The following ACSL5 variants were observed in gnomAD, a reference collection of about 807,000 sequenced individuals.
The protein encoded by ACSL5 is acyl-CoA synthetase long chain family member 5.
In ACSL5, 50 loss-of-function variants were observed where a neutral mutation model predicts 84.9. The ratio of observed to expected loss-of-function variants is 0.59; its 90% CI spans 0.47 to 0.75. The LOEUF (loss-of-function observed/expected upper bound fraction) is 0.75, where lower values mean the gene tolerates loss of function less well. Among genes scored for constraint, ACSL5 ranks in the 30% least tolerant of loss-of-function variants. The pLI is 0.00. For missense variants in ACSL5, 775 were observed against 830.4 expected (o/e 0.93, Z 0.82); for synonymous variants, 280 against 300.7 (o/e 0.93, Z 0.71).
chr10:112,425,141 T>C (rs1353488347), intron 17 of ACSL5, 197 bp from the exon 18 acceptor site: 3 of 449,056 alleles, frequency 6.7e-6, no homozygotes, highest in African/African-American at 2.0e-5. Context: ...CACATAGATA[T>C]ACAGTAAAGA....
intron 1 of ACSL5, among the ~76,000 whole-genome samples, chr10:112,384,129 T>C (rs1475490853): frequency 6.6e-6 from 1 of 150,486 alleles, no homozygotes; most frequent in African/African-American, 2.5e-5. Flanking sequence ...GAGGTTGCAG[T>C]GAGCCGAGAT....
At chr10:112,420,291 GC>G (rs1844427183) in intron 14 of ACSL5, among the ~76,000 whole-genome samples, 1 of 152,084 alleles carries the variant, frequency 6.6e-6, no homozygotes, top group African/African-American at 2.4e-5. Context: ...CCTGCCCCCA[GC>G]CTCTCTCCAG....
At chr10:112,393,042 C>A (rs1001131275) in intron 1 of ACSL5, among the ~76,000 whole-genome samples, 3 of 152,092 alleles carry the variant, frequency 2.0e-5, no homozygotes, top group Non-Finnish European at 2.9e-5. Context: ...CTGCCACCTG[C>A]TTTTTCAATT....
chr10:112,376,343 A>C, intron 1 of ACSL5: 1 of 1,614,176 alleles, frequency 6.2e-7, no homozygotes. Flanking sequence ...TCTCTGGAGG[A>C]ACCACGAGCG....
At chr10:112,384,319 A>G (rs1406387886) in intron 1 of ACSL5, among the ~76,000 whole-genome samples, 2 of 152,070 alleles carry the variant, frequency 1.3e-5, no homozygotes, top group African/African-American at 4.8e-5. Context: ...CAAACTCCCC[A>G]ATATAATGCA....
Position 112,426,251 on chromosome 10 carries a change from TC to T in ACSL5, c.1738-5del, listed in dbSNP as rs781697250. The T allele has an allele frequency of 3.6e-5, 58 of 1,612,510 alleles. No homozygotes were observed. The highest frequency in any genetic ancestry group is 4.8e-5 in the Non-Finnish European group (56 of 1,178,628). On this transcript the variant is annotated splice_region_variant and splice_polypyrimidine_tract_variant and intron_variant, in intron 18 of 20. Transcript: ENST00000354655. ...ATGCCCTTGCACCTTTTATTTCCTT[TC>T]CATAGTCATCCTTAGTAGGAGTGGT...
At chr10:112,387,910 A>AAGGTAACAG (rs1172980440) in intron 1 of ACSL5, among the ~76,000 whole-genome samples, 1 of 151,900 alleles carries the variant, frequency 6.6e-6, no homozygotes, top group Non-Finnish European at 1.5e-5. Flanking sequence ...CCTAAAAGCA[A>AAGGTAACAG]AGGTAACAGA....
chr10:112,410,532 A>G (rs1564739597), intron 8 of ACSL5, 37 bp downstream of exon 8: 1 of 1,613,978 alleles, frequency 6.2e-7, no homozygotes, highest in African/African-American at 1.3e-5. Flanking sequence ...GCCTTGCCAT[A>G]GTCAACTCTC....
chr10:112,409,920 A>T (rs1437095394), intron 7 of ACSL5, among the ~76,000 whole-genome samples: 3 of 152,178 alleles, frequency 2.0e-5, no homozygotes, highest in African/African-American at 7.2e-5. Flanking sequence ...TGGATAATAT[A>T]TAAATAGGGG....
intron 3 of ACSL5, among the ~76,000 whole-genome samples, chr10:112,403,458 G>A (rs1843952122): frequency 6.6e-6 from 1 of 152,144 alleles, no homozygotes; most frequent in Admixed American, 6.5e-5. Flanking sequence ...AGCTAATTTT[G>A]TATTTTTAGT....
intron 2 of ACSL5, among the ~76,000 whole-genome samples, chr10:112,398,694 C>G (rs1167588871): frequency 2.0e-5 from 3 of 152,170 alleles, no homozygotes; most frequent in African/African-American, 7.2e-5. Flanking sequence ...CGTGAGCCAC[C>G]GAGCCCAGCC....
intron 3 of ACSL5, among the ~76,000 whole-genome samples, chr10:112,403,629 T>G (rs1843958551): frequency 6.6e-6 from 1 of 152,090 alleles, no homozygotes; most frequent in Non-Finnish European, 1.5e-5. Context: ...TCTAGGAGAG[T>G]GTGTTAAAAC....
At position 112,374,195 on chromosome 10, in the gene ACSL5, T is replaced by C. The variant is rs375224929; in HGVS notation, c.-104T>C. The C allele has an allele frequency of 8.5e-5, 13 of 152,284 alleles. No homozygotes were observed. Among genetic ancestry groups the C allele is most frequent in the African/African-American group, 3.1e-4 (13 of 41,536 alleles). 9.4% of individuals were successfully genotyped at this position (152,284 alleles called of 1,614,324 possible). On this transcript the variant is annotated 5_prime_UTR_variant, in exon 1 of 21. The change abolishes an upstream ATG in the 5' untranslated region. Transcript: ENST00000354655. ...TGTGGAAAGAGTAGAAGTGCCTGAA[T>C]GTGGTGCTGAATCAATACAGCCAGC...
In ACSL5 at chr10:112,411,498, C is replaced by A. The variant is rs766663456; in HGVS notation, c.839C>A (p.Ser280Ter). 4 of 1,613,982 alleles carry A rather than the reference C, an allele frequency of 2.5e-6. No homozygotes were observed. The highest frequency in any genetic ancestry group is 3.4e-6 in the Non-Finnish European group (4 of 1,179,880). Residue 280 changes from serine (S) to a stop codon, truncating the protein, a stop_gained, in exon 10 of 21, where the codon TCA (serine) becomes TAA (stop). Coordinates refer to ENST00000354655, the MANE Select transcript of ACSL5 (RefSeq NM_203379.2). LOFTEE classifies it high-confidence loss of function. ...ATGATAACCCATCAAAATATTGTTT[C>A]AAATGCTGCTGCCTTTCTCAAATGT... is the stretch of plus-strand genomic sequence containing the variant. ...GAMITHQNIV[S>*]NAAAFLKCVE...
intron 1 of ACSL5, among the ~76,000 whole-genome samples, chr10:112,385,982 AG>A (rs1162778418): frequency 6.6e-6 from 1 of 152,086 alleles, no homozygotes; most frequent in African/African-American, 2.4e-5. Context: ...TTGTTGTAGG[AG>A]TAAGAGAGTA....
chr10:112,402,474 CA>C, intron 3 of ACSL5, among the ~76,000 whole-genome samples: 1 of 152,260 alleles, frequency 6.6e-6, no homozygotes, highest in Non-Finnish European at 1.5e-5. Context: ...AATGTTAGAC[CA>C]CCCAAGACAC....
chr10:112,391,904 T>C (rs7077060), intron 1 of ACSL5, among the ~76,000 whole-genome samples: 75,973 of 151,930 alleles, frequency 0.5, 19,168 homozygotes, highest in Admixed American at 0.59. Flanking sequence ...TCTCTGTCCC[T>C]TTTCTCCCAT....
chr10:112,378,247 T>G (rs1337509723), intron 1 of ACSL5, among the ~76,000 whole-genome samples: 6 of 130,478 alleles, frequency 4.6e-5, no homozygotes, highest in Admixed American at 2.3e-4. Context: ...TTTTTTTTTT[T>G]TTTTTTTTTT....
chr10:112,416,964 A>G lies in ACSL5; in HGVS notation c.1160A>G (p.Gln387Arg), dbSNP rs1317221184. The change falls in exon 13 of 21, where the codon CAA (glutamine) becomes CGA (arginine). Residue 387 changes from glutamine (Q) to arginine (R), a missense_variant. Physicochemically the swap from Gln to Arg is conservative, Grantham distance 43. Transcript: ENST00000354655. ...LAVSSKFKEL[Q>R]KGIIRHDSFW... ...GTTTCCAGTAAATTCAAAGAGCTTC[A>G]AAAGGGTATCATCAGGCATGATAGT... 1 of 1,614,086 alleles carries G rather than the reference A, an allele frequency of 6.2e-7. No homozygotes were observed. Among genetic ancestry groups the G allele is most frequent in the Admixed American group, 1.7e-5 (1 of 60,018 alleles).
Sources: allele counts gnomAD v4.1 joint callset (sites outside exome capture counted in the v4.1 genomes callset), GRCh38; gene constraint gnomAD v4.1.1; transcripts MANE v1.5; gene names NCBI Gene and HGNC (gene_info 2026-07-23, HGNC 2026-07-21).